ATAD1: variants seen among roughly 807,000 people sequenced by gnomAD.
The protein encoded by ATAD1 is outer mitochondrial transmembrane helix translocase.
ATAD1 carries 18 observed loss-of-function variants against 42.7 expected under a neutral mutation model. The observed-to-expected ratio is 0.42, with a 90% CI of 0.29 to 0.63. The LOEUF is 0.63. Ranked by LOEUF, ATAD1 falls within the 20% of genes least tolerant of loss-of-function variation. ATAD1 has a pLI of 0.19. For missense variants in ATAD1, 294 were observed against 440.4 expected (o/e 0.67, Z 2.98); for synonymous variants, 132 against 143.1 (o/e 0.92, Z 0.55).
intron 1 of ATAD1, chr10:87,815,010 AT>A (rs1288259248): frequency 6.6e-6 from 1 of 152,444 alleles, no homozygotes; most frequent in East Asian, 1.9e-4. Flanking sequence ...GACGGTAAGA[AT>A]TTCTTCTATT....
Position 87,784,533 on chromosome 10 carries a change from C to T in ATAD1, c.520G>A (p.Ala174Thr). Reference sequence around the variant, plus strand: ...ATGGCAAGGGAGAAGACAGCAGCAGCCAATTTCTGAGATTCTCCATACCAC... The same window carrying T: ...ATGGCAAGGGAGAAGACAGCAGCAGTCAATTTCTGAGATTCTCCATACCAC... ...DKWYGESQKL[A>T]AAVFSLAIKL... The change falls in exon 5 of 10, where the codon GCT (alanine) becomes ACT (threonine). Residue 174 changes from alanine (A) to threonine (T), a missense_variant. Transcript: ENST00000680024. The T allele has an allele frequency of 6.2e-7, 1 of 1,613,766 alleles. No individual in the cohort carries two copies. Among genetic ancestry groups the T allele is most frequent in the East Asian group, 2.2e-5 (1 of 44,856 alleles).
intron 1 of ATAD1, among the ~76,000 whole-genome samples, chr10:87,823,286 G>A (rs546411877): frequency 1.3e-5 from 2 of 152,200 alleles, no homozygotes; most frequent in South Asian, 2.1e-4. Context: ...TTCTCAAGCA[G>A]CATTGCCAAG....
At chr10:87,757,427 T>C (rs1224520788) in intron 8 of ATAD1, among the ~76,000 whole-genome samples, 1 of 152,140 alleles carries the variant, frequency 6.6e-6, no homozygotes, top group Non-Finnish European at 1.5e-5. Flanking sequence ...ATAATAGACT[T>C]GAGATAGTCT....
chr10:87,788,224 T>A (rs1225733018), intron 4 of ATAD1, among the ~76,000 whole-genome samples: 5 of 152,208 alleles, frequency 3.3e-5, no homozygotes, highest in Non-Finnish European at 7.3e-5. Flanking sequence ...CTTTTTGTAG[T>A]CTGTGTGAAG....
At chr10:87,840,737 A>G (rs1174702921) in intron 1 of ATAD1, among the ~76,000 whole-genome samples, 1 of 152,194 alleles carries the variant, frequency 6.6e-6, no homozygotes, top group Non-Finnish European at 1.5e-5. Flanking sequence ...GAAAACATAA[A>G]ATATAAATAG....
At chr10:87,767,248 G>A (rs1854796693) in intron 8 of ATAD1, among the ~76,000 whole-genome samples, 1 of 152,140 alleles carries the variant, frequency 6.6e-6, no homozygotes, top group Non-Finnish European at 1.5e-5. Flanking sequence ...GTTCAAAGGT[G>A]TATCAGTGCC....
chr10:87,755,579 C>T (rs1854182400), intron 9 of ATAD1, among the ~76,000 whole-genome samples: 1 of 152,042 alleles, frequency 6.6e-6, no homozygotes, highest in Non-Finnish European at 1.5e-5. Flanking sequence ...AATTTACGAA[C>T]TGGTTGGTTA....
At chr10:87,777,848 CAT>C (rs1270173189) in intron 5 of ATAD1, among the ~76,000 whole-genome samples, 3 of 151,946 alleles carry the variant, frequency 2.0e-5, no homozygotes, top group Admixed American at 2.0e-4. Context: ...TACCATGACA[CAT>C]GAGAGTCCTG....
intron 8 of ATAD1, among the ~76,000 whole-genome samples, chr10:87,762,899 T>C (rs1333551150): frequency 2.3e-5 from 2 of 88,168 alleles, no homozygotes; most frequent in African/African-American, 4.6e-5. Flanking sequence ...TGAAACCCCG[T>C]CTCTACTAAA....
intron 7 of ATAD1, among the ~76,000 whole-genome samples, chr10:87,769,366 T>C (rs1814346812): frequency 6.6e-6 from 1 of 152,162 alleles, no homozygotes; most frequent in Non-Finnish European, 1.5e-5. Context: ...TTCTTGACTT[T>C]GTTCATTCTG....
At chr10:87,819,263 C>CAAAAAAAAAAAAAA (rs57941047), upstream of ATAD1, 85 of 53,712 alleles carry the variant, frequency 1.6e-3, 4 homozygotes, top group African/African-American at 5.5e-3. Flanking sequence ...ATCGTCTCTA[C>CAAAAAAAAAAAAAA]AAAAAAAAAA....
intron 1 of ATAD1, 190 bp downstream of exon 1, chr10:87,817,977 G>A: frequency 1.0e-6 from 1 of 985,612 alleles, no homozygotes; most frequent in Non-Finnish European, 1.2e-6. Context: ...CGAGGCCCGG[G>A]ACGCCCTTGG....
rs34722647 is a variant in ATAD1 at position 87,791,030 on chromosome 10, CAAAAAAAA to C, written c.262-608_262-601del. Among the ~76,000 whole-genome samples, 26 of 66,252 alleles carry C rather than the reference CAAAAAAAA, an allele frequency of 3.9e-4. No individual in the cohort carries two copies. The East Asian group carries it at 8.1e-3, about 21-fold the overall frequency. The allele number at this position is 66,252 out of a possible 152,430, so 43.5% of individuals were successfully genotyped here. On this transcript the variant is annotated intron_variant, in intron 3 of 9. Transcript: ENST00000680024. ...TGAAACCCCGTCTCTACTAAAATTA[CAAAAAAAA>C]AAAAAAAAAAAAAAAAATTAACCAG...
At chr10:87,799,783 ATT>A (rs572002251) in intron 2 of ATAD1, among the ~76,000 whole-genome samples, 8 of 134,706 alleles carry the variant, frequency 5.9e-5, no homozygotes, top group African/African-American at 2.2e-4. Context: ...GTAGAAAAAT[ATT>A]TTTTTTTTTA....
At chr10:87,819,469 T>A (rs1857583917), upstream of ATAD1, among the ~76,000 whole-genome samples, 1 of 152,010 alleles carries the variant, frequency 6.6e-6, no homozygotes, top group Non-Finnish European at 1.5e-5. Flanking sequence ...TTTTGCAGCC[T>A]GATTGTTAAC....
At chr10:87,761,113 TGTATAA>T (rs1403450145) in intron 8 of ATAD1, among the ~76,000 whole-genome samples, 1 of 152,108 alleles carries the variant, frequency 6.6e-6, no homozygotes, top group Non-Finnish European at 1.5e-5. Context: ...AGCTCCACAA[TGTATAA>T]GTATGACAGT....
At chr10:87,823,577 A>G (rs1320255410) in intron 1 of ATAD1, among the ~76,000 whole-genome samples, 1 of 152,214 alleles carries the variant, frequency 6.6e-6, no homozygotes, top group Non-Finnish European at 1.5e-5. Flanking sequence ...GGTGGGAAAG[A>G]TTGAGTAAGA....
At chr10:87,810,022 G>A (rs868502173) in intron 2 of ATAD1, among the ~76,000 whole-genome samples, 9 of 151,456 alleles carry the variant, frequency 5.9e-5, no homozygotes, top group Non-Finnish European at 1.2e-4. Flanking sequence ...TTTTCTTGTC[G>A]GTTTGAAAAG....
intron 4 of ATAD1, 104 bp from the exon 5 acceptor site, chr10:87,784,774 T>A: frequency 9.6e-7 from 1 of 1,040,516 alleles, no homozygotes; most frequent in Non-Finnish European, 1.4e-6. Context: ...TTTCCCAATA[T>A]TCAATTCTGC....
Sources: allele counts gnomAD v4.1 joint callset (sites outside exome capture counted in the v4.1 genomes callset), GRCh38; gene constraint gnomAD v4.1.1; transcripts MANE v1.5; gene names NCBI Gene and HGNC (gene_info 2026-07-23, HGNC 2026-07-21).